ZBTB40: variants seen among roughly 807,000 people sequenced by gnomAD.
The protein encoded by ZBTB40 is zinc finger and BTB domain containing 40.
Under a neutral mutation model 117.5 loss-of-function variants are expected in ZBTB40, and 60 were observed. That is an observed-to-expected ratio of 0.51 (90% CI 0.41 to 0.63). The LOEUF (loss-of-function observed/expected upper bound fraction) is 0.63, where lower values mean the gene tolerates loss of function less well. ZBTB40 is among the 30% of genes least tolerant of loss of function. The probability of loss-of-function intolerance (pLI) is 0.00; values close to 1 mark genes in which losing one functional copy is unlikely to be tolerated. For missense variants in ZBTB40, 1,287 were observed against 1,498.5 expected (o/e 0.86, Z 2.33); for synonymous variants, 525 against 577.1 (o/e 0.91, Z 1.29).
At chr1:22,452,721 T>G (rs551415988) in intron 1 of ZBTB40, 5 of 152,314 alleles carry the variant, frequency 3.3e-5, no homozygotes, top group Non-Finnish European at 7.3e-5. Context: ...CATTCAGCTA[T>G]TCCTCTCGTC....
chr1:22,476,950 C>T (rs1569808868), intron 1 of ZBTB40, among the ~76,000 whole-genome samples: 1 of 152,212 alleles, frequency 6.6e-6, no homozygotes, highest in South Asian at 2.1e-4. Context: ...AGTGCCCTTT[C>T]ACCACATGAC....
rs748113940 is a variant in ZBTB40 at position 22,512,993 on chromosome 1, A to G, written c.2531A>G (p.Lys844Arg). 2 of 1,614,054 alleles carry G rather than the reference A, an allele frequency of 1.2e-6. No homozygotes were observed. Among genetic ancestry groups the G allele is most frequent in the Non-Finnish European group, 1.7e-6 (2 of 1,180,030 alleles). Residue 844 changes from lysine to arginine, a missense_variant, in exon 12 of 18, where the codon AAG becomes AGG. This residue lies in a region of ZBTB40 where 417 missense variants were observed against 564.1 expected (regional missense o/e 0.74). Coordinates refer to ENST00000375647, the MANE Select transcript of ZBTB40 (RefSeq NM_014870.4). ...KPFSCEECGAKFAANSTLKNH... is the reference protein window; with the variant it reads ...KPFSCEECGARFAANSTLKNH... ...TTCTCCTGTGAAGAGTGTGGGGCGA[A>G]GTTTGCAGCCAATTCCACCCTGAAG...
In ZBTB40 at chr1:22,510,328, T is replaced by G. The variant is rs371155529; in HGVS notation, c.1834-851T>G. Among the ~76,000 whole-genome samples the G allele has an allele frequency of 2.5e-4, 38 of 152,278 alleles. No individual in the cohort carries two copies. The East Asian group carries it at 4.3e-3, about 17-fold the overall frequency. ...CAGATGGGAAGAAGATGGCACACAT[T>G]TCTGTGGGGCTTCAGAGGAAAGACT... On this transcript the variant is annotated intron_variant, in intron 9 of 17. Transcript: ENST00000375647.
intron 1 of ZBTB40, among the ~76,000 whole-genome samples, chr1:22,484,634 TC>T (rs1265764911): frequency 6.6e-6 from 1 of 152,220 alleles, no homozygotes; most frequent in Non-Finnish European, 1.5e-5. Flanking sequence ...ACCTTCTATT[TC>T]CTTTTCTTGT....
intron 1 of ZBTB40, among the ~76,000 whole-genome samples, chr1:22,468,478 T>C (rs1279518823): frequency 4.9e-5 from 6 of 121,222 alleles, no homozygotes; most frequent in Non-Finnish European, 1.0e-4. Context: ...TTTTTTTTTT[T>C]TTTTTTTTTT....
intron 1 of ZBTB40, among the ~76,000 whole-genome samples, chr1:22,478,391 G>A (rs1251806458): frequency 2.0e-5 from 3 of 152,132 alleles, no homozygotes; most frequent in African/African-American, 4.8e-5. Context: ...GGGACTACAG[G>A]CGCCTGCTAC....
At chr1:22,483,072 C>T (rs1459304096) in intron 1 of ZBTB40, among the ~76,000 whole-genome samples, 1 of 136,738 alleles carries the variant, frequency 7.3e-6, no homozygotes, top group Non-Finnish European at 1.5e-5. Flanking sequence ...GAGCAGGACT[C>T]CGTCTCAAAA....
upstream of ZBTB40, among the ~76,000 whole-genome samples, chr1:22,448,821 T>A (rs927767126): frequency 1.4e-5 from 2 of 147,718 alleles, no homozygotes; most frequent in East Asian, 3.9e-4. Context: ...TCTTTTTAAA[T>A]TTTTTTTTTT....
chr1:22,522,147 C>T (rs1327448264), intron 15 of ZBTB40, among the ~76,000 whole-genome samples: 1 of 152,230 alleles, frequency 6.6e-6, no homozygotes, highest in African/African-American at 2.4e-5. Context: ...TGTATATTTT[C>T]TCATTTCATT....
At chr1:22,506,818 T>A (rs1639087692) in intron 6 of ZBTB40, among the ~76,000 whole-genome samples, 1 of 152,224 alleles carries the variant, frequency 6.6e-6, no homozygotes, top group African/African-American at 2.4e-5. Context: ...TAGTATGTAC[T>A]TACACAAGCT....
At chr1:22,517,569 G>A in intron 13 of ZBTB40, 105 bp downstream of exon 13, 1 of 1,384,540 alleles carries the variant, frequency 7.2e-7, no homozygotes. Context: ...GCTCCATTCA[G>A]TGCATTCCCC....
intron 1 of ZBTB40, among the ~76,000 whole-genome samples, chr1:22,446,252 G>A (rs1405518924): frequency 4.0e-5 from 6 of 150,742 alleles, no homozygotes; most frequent in South Asian, 2.1e-4. Context: ...AAAAAAGACA[G>A]AAAAACAAAA....
At chr1:22,475,948 A>G (rs1641540439) in intron 1 of ZBTB40, among the ~76,000 whole-genome samples, 1 of 152,212 alleles carries the variant, frequency 6.6e-6, no homozygotes, top group Non-Finnish European at 1.5e-5. Flanking sequence ...AAATTGGAGA[A>G]TATCAGGTCC....
chr1:22,450,993 G>A (rs983342022), upstream of ZBTB40, among the ~76,000 whole-genome samples: 2 of 152,214 alleles, frequency 1.3e-5, no homozygotes, highest in Admixed American at 6.5e-5. Flanking sequence ...TGTTACTGCT[G>A]GATCTGATTT....
chr1:22,507,813 C>T (rs980624150), intron 6 of ZBTB40, among the ~76,000 whole-genome samples, 188 bp from the exon 7 acceptor site: 1 of 152,170 alleles, frequency 6.6e-6, no homozygotes, highest in South Asian at 2.1e-4. Flanking sequence ...GACCCTGAAG[C>T]GCCAAGCGAT....
chr1:22,519,031 C>T (rs1193847431), intron 13 of ZBTB40, among the ~76,000 whole-genome samples: 1 of 152,152 alleles, frequency 6.6e-6, no homozygotes, highest in Admixed American at 6.5e-5. Flanking sequence ...TTCATAGAAC[C>T]ACATCATTGC....
chr1:22,501,553 A>C lies in ZBTB40; in HGVS notation c.893A>C (p.Lys298Thr). The C allele has an allele frequency of 1.2e-6, 2 of 1,614,168 alleles. No homozygotes were observed. Among genetic ancestry groups the C allele is most frequent in the Non-Finnish European group, 1.7e-6 (2 of 1,180,020 alleles). The part of the protein sequence containing the change: ...GHSAFQRILG[K>T]VREESLDVQT... ...TCAGCATTCCAGAGAATCCTGGGTA[A>C]AGTAAGAGAGGAAAGCCTGGATGTT... Residue 298 changes from lysine (K) to threonine (T), a missense_variant, in exon 4 of 18, where the codon AAA becomes ACA. By Grantham distance (78) the Lys-to-Thr change is moderately conservative (BLOSUM62 -1). Transcript: ENST00000375647.
intron 1 of ZBTB40, among the ~76,000 whole-genome samples, chr1:22,469,287 C>T (rs966848171): frequency 6.6e-6 from 1 of 152,110 alleles, no homozygotes; most frequent in African/African-American, 2.4e-5. Context: ...AAGCCTCTTC[C>T]AGTTATGTTT....
chr1:22,528,234 GC>G lies in ZBTB40; in HGVS notation c.*1839del, dbSNP rs965383885. 2 of 152,694 alleles carry G rather than the reference GC, an allele frequency of 1.3e-5. No individual in the cohort carries two copies. Among genetic ancestry groups the G allele is most frequent in the South Asian group, 2.1e-4 (1 of 4,824 alleles). The allele number at this position is 152,694 out of a possible 1,614,324, so 9.5% of individuals were successfully genotyped here. A position where few individuals can be genotyped will look rare whatever the true frequency, so the allele number is the denominator to read the frequency against. On this transcript the variant is annotated 3_prime_UTR_variant, in exon 18 of 18. Coordinates refer to ENST00000375647, the MANE Select transcript of ZBTB40 (RefSeq NM_014870.4). ...CAAAATGGCACTGAATATCCCCTTGGCAGCAGAGAAAACCCACTGAAAGATC... is the reference window on the plus strand; with the variant it reads ...CAAAATGGCACTGAATATCCCCTTGGAGCAGAGAAAACCCACTGAAAGATC...
Sources: gnomAD v4.1 joint callset for allele counts (sites outside exome capture counted in the v4.1 genomes callset) on GRCh38, gnomAD v4.1.1 for gene constraint, gnomAD v4.1.1 regional missense constraint, MANE v1.5 for transcripts, NCBI Gene and HGNC (gene_info 2026-07-23, HGNC 2026-07-21) for gene names.